STPG2: variants seen among roughly 807,000 people sequenced by gnomAD.
STPG2 encodes the protein sperm-tail PG-rich repeat-containing protein 2.
In STPG2, 56 loss-of-function variants were observed where a neutral mutation model predicts 54.2. That is an observed-to-expected ratio of 1.03 (90% confidence interval 0.83 to 1.29). The LOEUF (loss-of-function observed/expected upper bound fraction) is 1.29. Among genes scored for constraint, STPG2 ranks in the 50% most tolerant of loss-of-function variants. The probability of loss-of-function intolerance (pLI) is 0.00; values close to 1 mark genes in which losing one functional copy is unlikely to be tolerated. For missense variants in STPG2, 596 were observed against 544.9 expected (o/e 1.09, Z -0.93); for synonymous variants, 200 against 181.8 (o/e 1.10, Z -0.81).
intron 5 of STPG2, among the ~76,000 whole-genome samples, chr4:98,066,057 A>G (rs1311112834): frequency 6.6e-6 from 1 of 151,816 alleles, no homozygotes; most frequent in African/African-American, 2.4e-5. Context: ...TATTATATAT[A>G]CCTATCAAGG....
At chr4:97,708,073 A>G (rs1233381491) in intron 10 of STPG2, among the ~76,000 whole-genome samples, 2 of 152,104 alleles carry the variant, frequency 1.3e-5, no homozygotes, top group Non-Finnish European at 2.9e-5. Context: ...ACTCTAAGCT[A>G]ATGACATAAA....
chr4:97,586,161 A>G (rs1171759202), intron 10 of STPG2, among the ~76,000 whole-genome samples: 1 of 151,984 alleles, frequency 6.6e-6, no homozygotes, highest in African/African-American at 2.4e-5. Context: ...TGGAAATTAT[A>G]GAACCCAAAA....
At chr4:97,876,679 A>T (rs1299375271) in intron 8 of STPG2, among the ~76,000 whole-genome samples, 2 of 152,204 alleles carry the variant, frequency 1.3e-5, no homozygotes, top group African/African-American at 2.4e-5. Flanking sequence ...AACATTTTTT[A>T]AAAAGTTTTT....
chr4:97,571,791 T>C (rs1456116071), intron 10 of STPG2, among the ~76,000 whole-genome samples: 1 of 152,168 alleles, frequency 6.6e-6, no homozygotes, highest in Non-Finnish European at 1.5e-5. Flanking sequence ...CTGAGGGTTG[T>C]GTCATGGGCC....
At chr4:98,082,420 A>G (rs1578839344) in intron 5 of STPG2, among the ~76,000 whole-genome samples, 1 of 115,900 alleles carries the variant, frequency 8.6e-6, no homozygotes, top group Admixed American at 9.3e-5. Flanking sequence ...CATCTTTCCC[A>G]TGTGCAGGTC....
intron 9 of STPG2, among the ~76,000 whole-genome samples, chr4:97,726,716 T>A (rs143028623): frequency 0.018 from 2,768 of 151,980 alleles, 31 homozygotes; most frequent in Non-Finnish European, 0.027. Context: ...GGACTTTGAA[T>A]TAATAAGGAA....
intron 7 of STPG2, among the ~76,000 whole-genome samples, chr4:97,969,707 A>G (rs1734253253): frequency 6.6e-6 from 1 of 152,228 alleles, no homozygotes; most frequent in African/African-American, 2.4e-5. Flanking sequence ...CCAGTATCAT[A>G]CTGAATGGGA....
At chr4:97,738,956 G>C (rs924076556) in intron 9 of STPG2, among the ~76,000 whole-genome samples, 39 of 152,180 alleles carry the variant, frequency 2.6e-4, no homozygotes, top group African/African-American at 8.7e-4. Flanking sequence ...TGACCAAATA[G>C]TTGGAAGTAA....
chr4:97,452,936 A>G (rs1371458757), intron 4 of STPG2, among the ~76,000 whole-genome samples: 1 of 152,188 alleles, frequency 6.6e-6, no homozygotes, highest in African/African-American at 2.4e-5. Context: ...CATCTTATTC[A>G]TCTTCCACTT....
intron 5 of STPG2, among the ~76,000 whole-genome samples, chr4:98,014,860 A>G (rs13122456): frequency 0.39 from 59,889 of 151,890 alleles, 12,036 homozygotes; most frequent in Middle Eastern, 0.46. Flanking sequence ...TATTTCTGAA[A>G]GACAGCTTTG....
chr4:97,966,083 G>A (rs1734087076), intron 7 of STPG2, among the ~76,000 whole-genome samples: 1 of 152,138 alleles, frequency 6.6e-6, no homozygotes, highest in Non-Finnish European at 1.5e-5. Context: ...GCTTCTCCGA[G>A]CTAAAGGAGC....
At chr4:98,067,608 G>A (rs1229445739) in intron 5 of STPG2, among the ~76,000 whole-genome samples, 4 of 152,088 alleles carry the variant, frequency 2.6e-5, no homozygotes, top group Non-Finnish European at 5.9e-5. Context: ...ATATCAATAT[G>A]AAAAATATGT....
intron 9 of STPG2, among the ~76,000 whole-genome samples, chr4:97,800,540 G>T (rs946032506): frequency 6.6e-6 from 1 of 152,190 alleles, no homozygotes; most frequent in African/African-American, 2.4e-5. Context: ...CGTTCCTCTG[G>T]AAGCTTCGTC....
At chr4:97,636,740 A>T (rs1308588152) in intron 10 of STPG2, among the ~76,000 whole-genome samples, 2 of 152,380 alleles carry the variant, frequency 1.3e-5, no homozygotes, top group Non-Finnish European at 2.9e-5. Context: ...TAGAAAATCT[A>T]GAAGAAATGG....
chr4:97,967,439 G>A (rs893847490), intron 7 of STPG2, among the ~76,000 whole-genome samples: 6 of 152,080 alleles, frequency 3.9e-5, no homozygotes, highest in Non-Finnish European at 8.8e-5. Context: ...GTCAATAGTA[G>A]ACATATCAAT....
chr4:98,049,079 C>T (rs1454216882), intron 5 of STPG2: 3 of 152,018 alleles, frequency 2.0e-5, no homozygotes, highest in Non-Finnish European at 2.9e-5. Context: ...AAAAATTATA[C>T]CTTTTTCTTA....
chr4:97,896,978 T>C (rs72686451), intron 8 of STPG2, among the ~76,000 whole-genome samples: 2 of 151,832 alleles, frequency 1.3e-5, no homozygotes, highest in East Asian at 3.9e-4. Context: ...GTCATGAGGG[T>C]TTGTTGCACA....
At chr4:97,557,349 C>A (rs557886856), downstream of STPG2, among the ~76,000 whole-genome samples, 15 of 152,272 alleles carry the variant, frequency 9.9e-5, no homozygotes, top group Non-Finnish European at 2.2e-4. Flanking sequence ...GGAGTCAAAA[C>A]AGTCCTTGAT....
intron 10 of STPG2, chr4:97,572,813 G>A (rs1732633813): frequency 1.3e-5 from 2 of 152,216 alleles, no homozygotes; most frequent in South Asian, 4.1e-4. Flanking sequence ...TCAAGGTTTT[G>A]TGAAACATAC....
Sources: gnomAD v4.1 joint callset for allele counts (sites outside exome capture counted in the v4.1 genomes callset) on GRCh38, gnomAD v4.1.1 for gene constraint, MANE v1.5 for transcripts, NCBI Gene and HGNC (gene_info 2026-07-23, HGNC 2026-07-21) for gene names.